Variants in ERAP2 observed in about 807,000 individuals in gnomAD.
ERAP2 encodes endoplasmic reticulum aminopeptidase 2, also known as leukocyte-derived arginine aminopeptidase.
Under a neutral mutation model 111.1 loss-of-function variants are expected in ERAP2, and 118 were observed. The observed-to-expected ratio is 1.06, with a 90% CI of 0.92 to 1.24. The LOEUF (loss-of-function observed/expected upper bound fraction) is 1.24. Among genes scored for constraint, ERAP2 ranks in the 50% most tolerant of loss-of-function variants. The pLI is 0.00. For synonymous variants in ERAP2, 410 were observed against 401.2 expected (o/e 1.02, Z -0.26); for missense variants, 1,131 against 1,125.8 (o/e 1.00, Z -0.07).
intron 2 of ERAP2, 71 bp downstream of exon 2, chr5:96,880,331 A>T: frequency 7.8e-7 from 1 of 1,275,834 alleles, no homozygotes; most frequent in Non-Finnish European, 1.1e-6. Context: ...CTTTGCCAGG[A>T]GCAGACTTCA....
rs1456258280 is a variant in ERAP2 at position 96,895,145 on chromosome 5, CCTAA to C, written c.1126-96_1126-93del. 4.7e-6 allele frequency: 3 copies of C among 641,740 alleles called. No individual in the cohort carries two copies. In the Admixed American group the frequency reaches 1.0e-4, roughly 22 times the overall value. 39.8% of individuals were successfully genotyped at this position (641,740 alleles called of 1,614,324 possible). On this transcript the variant is annotated intron_variant, in intron 6 of 18. Coordinates refer to ENST00000437043, the MANE Select transcript of ERAP2 (RefSeq NM_022350.5). Reference sequence around the variant, plus strand: ...AGGGTAGCAAAGAGAGAAGAGAGATCCTAACTAATAAAAAAAAAGTTAGTAACTA... The same window carrying C: ...AGGGTAGCAAAGAGAGAAGAGAGATCCTAATAAAAAAAAAGTTAGTAACTA...
intron 2 of ERAP2, 129 bp downstream of exon 2, chr5:96,880,389 G>A (rs2151114344): frequency 2.4e-6 from 2 of 830,652 alleles, no homozygotes; most frequent in South Asian, 1.9e-5. Context: ...CCCAGAAGAA[G>A]GAAAAGATCT....
intron 2 of ERAP2, among the ~76,000 whole-genome samples, chr5:96,883,030 A>G (rs1783318373): frequency 6.6e-6 from 1 of 152,104 alleles, no homozygotes; most frequent in African/African-American, 2.4e-5. Context: ...CAGAGTATAT[A>G]TCTATTATAC....
At chr5:96,895,510 G>T in intron 7 of ERAP2, 151 bp downstream of exon 7, 1 of 644,300 alleles carries the variant, frequency 1.6e-6, no homozygotes, top group South Asian at 1.8e-5. Context: ...ACAGATCACA[G>T]AACTGGATGA....
chr5:96,917,403 G>A (rs1341213875), intron 18 of ERAP2, 59 bp from the exon 19 acceptor site: 3 of 1,541,740 alleles, frequency 1.9e-6, no homozygotes, highest in Non-Finnish European at 2.6e-6. Context: ...TTACAGGTGT[G>A]AACCACCACA....
chr5:96,911,790 G>A (rs1170532723), intron 15 of ERAP2, among the ~76,000 whole-genome samples: 2 of 149,524 alleles, frequency 1.3e-5, no homozygotes, highest in East Asian at 2.0e-4. Context: ...AGAGGATTGT[G>A]CAGGAGGCTG....
chr5:96,912,686 A>C lies in ERAP2; in HGVS notation c.2404A>C (p.Thr802Pro). ...KIVYSVGAQT[T>P]AGWNYLLEQY... ...TGTGTATTCTGTGGGTGCTCAGACA[A>C]CAGCAGGATGGAATTACCTTTTAGA... The change falls in exon 16 of 19, where the codon ACA (threonine) becomes CCA (proline). Residue 802 changes from threonine to proline, a missense_variant. Thr to Pro is a conservative substitution (Grantham distance 38, BLOSUM62 -1). Coordinates refer to ENST00000437043, the MANE Select transcript of ERAP2 (RefSeq NM_022350.5). 6.2e-7 allele frequency: 1 copy of C among 1,611,046 alleles called. No individual in the cohort carries two copies. Among genetic ancestry groups the C allele is most frequent in the Non-Finnish European group, 8.5e-7 (1 of 1,178,962 alleles).
At chr5:96,891,288 A>G (rs988618471) in intron 5 of ERAP2, among the ~76,000 whole-genome samples, 2 of 151,756 alleles carry the variant, frequency 1.3e-5, no homozygotes, top group Non-Finnish European at 2.9e-5. Context: ...TTTTTAGCCT[A>G]CGTGAAATCA....
At chr5:96,900,441 C>T (rs552670761) in intron 10 of ERAP2, among the ~76,000 whole-genome samples, 2 of 152,222 alleles carry the variant, frequency 1.3e-5, no homozygotes, top group East Asian at 1.9e-4. Context: ...AATATCTCAG[C>T]GCAAAATGTT....
Position 96,896,864 on chromosome 5 carries a change from G to T in ERAP2, c.1503+1G>T. On this transcript the variant is annotated splice_donor_variant, in intron 9 of 18. Transcript: ENST00000437043. LOFTEE classifies it high-confidence loss of function. ...TGACTTGTGGAGCAGTCTGTCAAATGTAAGTCATATGTTGGGTAACGATAG... is the reference window on the plus strand; with the variant it reads ...TGACTTGTGGAGCAGTCTGTCAAATTTAAGTCATATGTTGGGTAACGATAG... 1 of 974,270 alleles carries T rather than the reference G, an allele frequency of 1.0e-6. No individual in the cohort carries two copies. Among genetic ancestry groups the T allele is most frequent in the South Asian group, 2.4e-5 (1 of 42,232 alleles). The allele number at this position is 974,270 out of a possible 1,614,324, so 60.4% of individuals were successfully genotyped here. A position where few individuals can be genotyped will look rare whatever the true frequency, so the allele number is the denominator to read the frequency against.
intron 17 of ERAP2, among the ~76,000 whole-genome samples, 190 bp downstream of exon 17, chr5:96,913,647 T>A (rs2255634): frequency 0.54 from 82,420 of 152,000 alleles, 22,422 homozygotes; most frequent in Admixed American, 0.59. Flanking sequence ...GACATGAGAA[T>A]AAGGGAATGG....
chr5:96,895,481 A>G (rs1784787392), intron 7 of ERAP2, 122 bp downstream of exon 7: 2 of 706,700 alleles, frequency 2.8e-6, no homozygotes, highest in African/African-American at 1.8e-5. Flanking sequence ...AACATATGGC[A>G]TTTTGTTTGA....
At chr5:96,885,748 G>A (rs113433429) in intron 3 of ERAP2, among the ~76,000 whole-genome samples, 9 of 152,170 alleles carry the variant, frequency 5.9e-5, no homozygotes, top group African/African-American at 2.2e-4. Context: ...TGAAGAAAAT[G>A]TTTTCAGATT....
At chr5:96,913,533 TG>T in intron 17 of ERAP2, 76 bp downstream of exon 17, 1 of 1,517,138 alleles carries the variant, frequency 6.6e-7, no homozygotes, top group Non-Finnish European at 9.1e-7. Context: ...TGTAATCAAA[TG>T]TTTCTCAAAG....
rs946304274 is a variant in ERAP2 at position 96,903,849 on chromosome 5, G to C, written c.2012+289G>C. ...GCAACTGTGGGTCTTTATCCTGTGGGCCACAGGATAGCTATAAAGGAGAGT... is the reference window on the plus strand; with the variant it reads ...GCAACTGTGGGTCTTTATCCTGTGGCCCACAGGATAGCTATAAAGGAGAGT... On this transcript the variant is annotated intron_variant, in intron 13 of 18. Coordinates refer to ENST00000437043, the MANE Select transcript of ERAP2 (RefSeq NM_022350.5). Among the ~76,000 whole-genome samples the C allele has an allele frequency of 7.9e-5, 12 of 152,208 alleles. No homozygotes were observed. The South Asian group carries it at 1.9e-3, about 24-fold the overall frequency.
At position 96,896,803 on chromosome 5, in the gene ERAP2, C is replaced by T. The variant is rs773321134; in HGVS notation, c.1443C>T (p.Tyr481=). 6.2e-7 allele frequency: 1 copy of T among 1,605,326 alleles called. No individual in the cohort carries two copies. Among genetic ancestry groups the T allele is most frequent in the Non-Finnish European group, 8.5e-7 (1 of 1,177,270 alleles). The part of the protein sequence containing the change: ...EEKFQKGIIQ[Y]LKKFSYRNAK... ...AATTCCAGAAAGGAATAATTCAGTA[C>T]TTAAAGAAGTTCAGCTATAGAAATG... The change falls in exon 9 of 19, where the codon TAC becomes TAT. Residue 481 remains tyrosine (Y), a synonymous_variant. Transcript: ENST00000437043.
At chr5:96,909,906 C>A in intron 15 of ERAP2, 142 bp downstream of exon 15, 1 of 769,922 alleles carries the variant, frequency 1.3e-6, no homozygotes, top group Non-Finnish European at 2.1e-6. Context: ...GTTTCATGCT[C>A]TCACATTGTA....
At chr5:96,883,519 G>A (rs1783381058) in intron 2 of ERAP2, among the ~76,000 whole-genome samples, 2 of 152,186 alleles carry the variant, frequency 1.3e-5, no homozygotes, top group Admixed American at 1.3e-4. Context: ...GGTCATTCAA[G>A]TTGTCTGAGC....
Position 96,902,260 on chromosome 5 carries a change from ACT to A in ERAP2, c.1749-9_1749-8del, listed in dbSNP as rs762601334. 38 of 1,561,666 alleles carry A rather than the reference ACT, an allele frequency of 2.4e-5. No individual in the cohort carries two copies. Among genetic ancestry groups the A allele is most frequent in the Non-Finnish European group, 3.4e-5 (38 of 1,132,634 alleles). On this transcript the variant is annotated splice_polypyrimidine_tract_variant and intron_variant, in intron 11 of 18. Coordinates refer to ENST00000437043, the MANE Select transcript of ERAP2 (RefSeq NM_022350.5). ...ATTCTTTTGGTCTGTAACTATCTTTACTCTCTGTCATAGGTACCTGTGGCATA... is the reference window on the plus strand; with the variant it reads ...ATTCTTTTGGTCTGTAACTATCTTTACTCTGTCATAGGTACCTGTGGCATA...
Sources: allele counts gnomAD v4.1 joint callset (sites outside exome capture counted in the v4.1 genomes callset), GRCh38; gene constraint gnomAD v4.1.1; transcripts MANE v1.5; gene names NCBI Gene and HGNC (gene_info 2026-07-23, HGNC 2026-07-21).